Variants in ARHGAP39 observed in about 807,000 individuals in gnomAD.
ARHGAP39 encodes the protein rho GTPase-activating protein 39.
ARHGAP39 carries 44 observed loss-of-function variants against 106.9 expected under a neutral mutation model. That is an observed-to-expected ratio of 0.41 (90% confidence interval 0.32 to 0.53). The LOEUF (loss-of-function observed/expected upper bound fraction) is 0.53. Ranked by LOEUF, ARHGAP39 falls within the 20% of genes least tolerant of loss-of-function variation. ARHGAP39 has a pLI of 0.21. For synonymous variants in ARHGAP39, 768 were observed against 693.2 expected, an observed-to-expected ratio of 1.11 and a Z score of -1.69; for missense variants, 1,496 against 1,577.3, an observed-to-expected ratio of 0.95 and a Z score of 0.87.
chr8:144,618,857 G>A (rs1820708973), intron 1 of ARHGAP39, among the ~76,000 whole-genome samples: 1 of 152,238 alleles, frequency 6.6e-6, no homozygotes, highest in South Asian at 2.1e-4. Context: ...CAGGACCGCG[G>A]GCGCACAGCC....
chr8:144,694,536 A>T, the ARHGAP39 span, among the ~76,000 whole-genome samples: 1 of 152,190 alleles, frequency 6.6e-6, no homozygotes, highest in Non-Finnish European at 1.5e-5. Flanking sequence ...TGTGTGTGTT[A>T]ACGCCGTTCC....
intron 1 of ARHGAP39, among the ~76,000 whole-genome samples, chr8:144,628,060 CA>C (rs1820969754): frequency 6.6e-6 from 1 of 152,226 alleles, no homozygotes; most frequent in African/African-American, 2.4e-5. Flanking sequence ...GCGGGAGAGC[CA>C]TGGCTGGCAT....
intron 1 of ARHGAP39, among the ~76,000 whole-genome samples, chr8:144,663,322 G>A (rs1314453374): frequency 6.6e-6 from 1 of 152,134 alleles, no homozygotes; most frequent in Non-Finnish European, 1.5e-5. Flanking sequence ...TCTGCTTCTG[G>A]TGAGGCCTCA....
In ARHGAP39 at chr8:144,530,847, C is replaced by T. The variant is rs866336176; in HGVS notation, c.3005G>A (p.Arg1002Gln). The T allele has an allele frequency of 1.9e-6, 3 of 1,610,136 alleles. No homozygotes were observed. Among genetic ancestry groups the T allele is most frequent in the African/African-American group, 1.3e-5 (1 of 74,876 alleles). ...VPASLLKLWY[R>Q]ELEEPLIPHE... Reference sequence around the variant, plus strand: ...CGGGATCAGGGGCTCCTCCAGCTCCCGGTACCACAGCTTCAGCAGGGACGC... The same window carrying T: ...CGGGATCAGGGGCTCCTCCAGCTCCTGGTACCACAGCTTCAGCAGGGACGC... Residue 1002 changes from arginine (R) to glutamine (Q), a missense_variant, in exon 11 of 12, where the codon CGG becomes CAG. Arg to Gln is a conservative substitution (Grantham distance 43). Transcript: ENST00000377307.
rs1037668116 is a variant in ARHGAP39 at position 144,645,778 on chromosome 8, C to A, written c.-82+39908G>T. Among the ~76,000 whole-genome samples the A allele has an allele frequency of 5.9e-5, 9 of 152,232 alleles. No individual in the cohort carries two copies. The highest frequency in any genetic ancestry group is 1.3e-4 in the Non-Finnish European group (9 of 68,048). ...AGGTTTATTTTGTGTGGAATCCCAA[C>A]ACTAAGGAAAGTCATAACCAAAGGG... is the stretch of plus-strand genomic sequence containing the variant. On this transcript the variant is annotated intron_variant, in intron 1 of 11. Coordinates refer to ENST00000377307, the MANE Select transcript of ARHGAP39 (RefSeq NM_025251.3). The surrounding 1 kb of genome is among the most constrained non-coding windows in gnomAD (Gnocchi z 4.4).
rs761489111 is a variant in ARHGAP39, at chr8:144,580,866, T to C, written c.492A>G (p.Thr164=). 2 of 1,569,634 alleles carry C rather than the reference T, an allele frequency of 1.3e-6. No individual in the cohort carries two copies. Among genetic ancestry groups the C allele is most frequent in the Admixed American group, 1.8e-5 (1 of 56,358 alleles). ...ARAGRPAAFG[T]VKEDSGSSSP... Reference sequence around the variant, plus strand: ...CTCACCTGCCGCTGTCCTCCTTCACTGTCCCAAACGCCGCGGGCCGCCCGG... The same window carrying C: ...CTCACCTGCCGCTGTCCTCCTTCACCGTCCCAAACGCCGCGGGCCGCCCGG... The change falls in exon 3 of 12, where the codon ACA becomes ACG. Residue 164 remains threonine, a synonymous_variant. Coordinates refer to ENST00000377307, the MANE Select transcript of ARHGAP39 (RefSeq NM_025251.3).
Position 144,671,681 on chromosome 8 carries a change from C to G in ARHGAP39, c.-82+14005G>C, listed in dbSNP as rs115461723. ...ACAAGACACCCCTTCTCCAGAAAGCCTACCTGAACTCCACGCCCCTCCCGG... is the reference window on the plus strand; with the variant it reads ...ACAAGACACCCCTTCTCCAGAAAGCGTACCTGAACTCCACGCCCCTCCCGG... On this transcript the variant is annotated intron_variant, in intron 1 of 11. Coordinates refer to ENST00000377307, the MANE Select transcript of ARHGAP39 (RefSeq NM_025251.3). The surrounding 1 kb of genome is among the most constrained non-coding windows in gnomAD (Gnocchi z 4.5). Among the ~76,000 whole-genome samples, 453 of 152,354 alleles carry G rather than the reference C, an allele frequency of 3.0e-3. 5 individuals are homozygous for G. Among genetic ancestry groups the G allele is most frequent in the African/African-American group, 1.0e-2 (415 of 41,584 alleles).
intron 1 of ARHGAP39, among the ~76,000 whole-genome samples, chr8:144,609,842 A>G (rs1221489010): frequency 6.6e-6 from 1 of 152,180 alleles, no homozygotes; most frequent in Admixed American, 6.5e-5. Flanking sequence ...TACCAGCATA[A>G]CAAAATGAGA....
chr8:144,571,592 C>T (rs944201341), intron 3 of ARHGAP39, among the ~76,000 whole-genome samples: 5 of 152,142 alleles, frequency 3.3e-5, no homozygotes, highest in Non-Finnish European at 5.9e-5. Context: ...GACAAGGATG[C>T]CCTCTCTCAC....
chr8:144,534,078 G>T (rs1017182623), intron 8 of ARHGAP39, 51 bp downstream of exon 8: 11 of 1,596,138 alleles, frequency 6.9e-6, no homozygotes, highest in Non-Finnish European at 9.4e-6. Context: ...TGTCCACCAA[G>T]GGTCTCTGTG....
chr8:144,564,467 GA>G (rs1355397469), intron 3 of ARHGAP39, among the ~76,000 whole-genome samples: 1 of 151,534 alleles, frequency 6.6e-6, no homozygotes, highest in South Asian at 2.1e-4. Flanking sequence ...TGGAGAAGGG[GA>G]AAAAAAGGGA....
chr8:144,534,226 A>G, intron 7 of ARHGAP39, 24 bp from the exon 8 acceptor site: 1 of 1,612,762 alleles, frequency 6.2e-7, no homozygotes, highest in South Asian at 1.1e-5. Flanking sequence ...GGGCCTGATC[A>G]GCCTGATGTG....
intron 3 of ARHGAP39, among the ~76,000 whole-genome samples, chr8:144,562,285 TGCTCCAGTGGTTTCCATCGG>T (rs1564849214): frequency 2.8e-4 from 16 of 56,790 alleles, no homozygotes; most frequent in East Asian, 8.4e-4. Context: ...GTTTCCATCG[TGCTCCAGTGGTTTCCATCGG>T]GCTCCAGTGG....
At chr8:144,544,618 C>G (rs1817331296) in intron 6 of ARHGAP39, among the ~76,000 whole-genome samples, 1 of 152,260 alleles carries the variant, frequency 6.6e-6, no homozygotes. Flanking sequence ...GGCCTGGGCC[C>G]AGCACACCTG....
At chr8:144,581,720 A>C (rs1166454183) in intron 2 of ARHGAP39, among the ~76,000 whole-genome samples, 1 of 152,174 alleles carries the variant, frequency 6.6e-6, no homozygotes, top group Non-Finnish European at 1.5e-5. Context: ...CCTCAGGCCC[A>C]GCTAAGTGCT....
intron 3 of ARHGAP39, among the ~76,000 whole-genome samples, chr8:144,565,140 T>C (rs113552609): frequency 0.1 from 15,731 of 151,436 alleles, 1,998 homozygotes; most frequent in African/African-American, 0.3. Flanking sequence ...ATAAATTAGC[T>C]AGGTGTGGTA....
At chr8:144,599,542 G>A (rs1819763407) in intron 2 of ARHGAP39, among the ~76,000 whole-genome samples, 1 of 152,222 alleles carries the variant, frequency 6.6e-6, no homozygotes, top group Admixed American at 6.5e-5. Flanking sequence ...GGCAGGTGCA[G>A]AAAGGGCACG....
rs117492525 is a variant in ARHGAP39 at position 144,661,306 on chromosome 8, C to T, written c.-82+24380G>A. Among the ~76,000 whole-genome samples the T allele has an allele frequency of 9.7e-3, 1,475 of 152,320 alleles. 11 individuals carry two copies. The highest frequency in any genetic ancestry group is 0.017 in the South Asian group (80 of 4,830). Reference sequence around the variant, plus strand: ...TGTGAGCAACATCTCAGCCTCTCCCCGGCTCCTCTTTGCGCATTCGCGCGT... The same window carrying T: ...TGTGAGCAACATCTCAGCCTCTCCCTGGCTCCTCTTTGCGCATTCGCGCGT... On this transcript the variant is annotated intron_variant, in intron 1 of 11. Coordinates refer to ENST00000377307, the MANE Select transcript of ARHGAP39 (RefSeq NM_025251.3).
At position 144,581,001 on chromosome 8, in the gene ARHGAP39, C is replaced by T. The variant is rs1444945600; in HGVS notation, c.357G>A (p.Ser119=). 1.9e-6 allele frequency: 3 copies of T among 1,593,326 alleles called. No individual in the cohort carries two copies. Among genetic ancestry groups the T allele is most frequent in the African/African-American group, 2.7e-5 (2 of 74,618 alleles). ...LKQNTESPRA[S]AESSPGRGSS... ...TGCCGCGCCCGGGGCTGCTCTCCGCCGAGGCGCGCGGGGACTCCGTGTTCT... is the reference window on the plus strand; with the variant it reads ...TGCCGCGCCCGGGGCTGCTCTCCGCTGAGGCGCGCGGGGACTCCGTGTTCT... The change falls in exon 3 of 12, where the codon TCG becomes TCA. Residue 119 remains serine (S), a synonymous_variant. Coordinates refer to ENST00000377307, the MANE Select transcript of ARHGAP39 (RefSeq NM_025251.3).
Sources: gnomAD v4.1 joint callset for allele counts (sites outside exome capture counted in the v4.1 genomes callset) on GRCh38, gnomAD v4.1.1 for gene constraint, Gnocchi (gnomAD v3.1) non-coding constraint, MANE v1.5 for transcripts, NCBI Gene and HGNC (gene_info 2026-07-23, HGNC 2026-07-21) for gene names.